Variants in EPHA6 observed in about 807,000 individuals in gnomAD.
EPHA6 encodes EPH receptor A6, also known as ephrin type-A receptor 6.
A neutral mutation model predicts 112.0 loss-of-function variants in EPHA6; 50 were observed. The ratio of observed to expected loss-of-function variants is 0.45; its 90% CI spans 0.36 to 0.56. EPHA6 has a LOEUF of 0.56. Ranked by LOEUF, EPHA6 falls within the 20% of genes least tolerant of loss-of-function variation. The pLI is 0.00. For synonymous variants in EPHA6, 529 were observed against 490.7 expected (o/e 1.08, Z -1.03); for missense variants, 1,280 against 1,417.4 (o/e 0.90, Z 1.56).
chr3:97,568,755 G>T (rs1236088354), intron 11 of EPHA6, among the ~76,000 whole-genome samples: 1 of 152,186 alleles, frequency 6.6e-6, no homozygotes, highest in Non-Finnish European at 1.5e-5. Flanking sequence ...TGGTGAGGCA[G>T]ATTTTATTCA....
chr3:97,324,441 C>CTTTA, intron 5 of EPHA6, among the ~76,000 whole-genome samples: 1 of 146,234 alleles, frequency 6.8e-6, no homozygotes, highest in Admixed American at 6.9e-5. Context: ...TTCTTTCTTT[C>CTTTA]TTTCTTTCTT....
At chr3:97,678,734 T>C (rs2031612624) in intron 14 of EPHA6, among the ~76,000 whole-genome samples, 1 of 152,230 alleles carries the variant, frequency 6.6e-6, no homozygotes, top group African/African-American at 2.4e-5. Context: ...ATTTTGATAT[T>C]GGCTATTTGA....
At chr3:97,012,442 G>A (rs1446788199) in intron 3 of EPHA6, among the ~76,000 whole-genome samples, 1 of 150,736 alleles carries the variant, frequency 6.6e-6, no homozygotes, top group Non-Finnish European at 1.5e-5. Context: ...TCCCATCTCA[G>A]CCTCCATGGT....
At chr3:97,160,862 G>A (rs1320695757) in intron 3 of EPHA6, among the ~76,000 whole-genome samples, 3 of 152,136 alleles carry the variant, frequency 2.0e-5, no homozygotes, top group Admixed American at 1.3e-4. Flanking sequence ...TTCTGTAGCT[G>A]TCTACTTTTG....
chr3:96,863,724 A>G (rs2036140999), intron 1 of EPHA6, among the ~76,000 whole-genome samples: 1 of 152,026 alleles, frequency 6.6e-6, no homozygotes, highest in Non-Finnish European at 1.5e-5. Flanking sequence ...AGCAGGCTTA[A>G]TATGTTTTAG....
At chr3:97,378,880 C>T (rs1247725323) in intron 5 of EPHA6, among the ~76,000 whole-genome samples, 2 of 152,026 alleles carry the variant, frequency 1.3e-5, no homozygotes, top group African/African-American at 2.4e-5. Flanking sequence ...CTTGCCTTGT[C>T]TCAGATAAGA....
intron 3 of EPHA6, among the ~76,000 whole-genome samples, chr3:97,216,514 T>A (rs2078038453): frequency 6.6e-6 from 1 of 152,218 alleles, no homozygotes; most frequent in South Asian, 2.1e-4. Context: ...CAATAACTCA[T>A]GTAGCAATGG....
At chr3:97,542,233 C>T (rs2092869420) in intron 11 of EPHA6, among the ~76,000 whole-genome samples, 1 of 151,908 alleles carries the variant, frequency 6.6e-6, no homozygotes, top group African/African-American at 2.4e-5. Context: ...CTAATGCTAT[C>T]CCTCCCCTCT....
chr3:97,331,951 C>CA (rs563716627), intron 5 of EPHA6, among the ~76,000 whole-genome samples: 2,385 of 151,942 alleles, frequency 0.016, 58 homozygotes, highest in African/African-American at 0.052. Flanking sequence ...AGAGACACAA[C>CA]AAAAAAAGAG....
intron 2 of EPHA6, among the ~76,000 whole-genome samples, chr3:96,915,669 G>A (rs1356114035): frequency 6.6e-6 from 1 of 152,032 alleles, no homozygotes; most frequent in African/African-American, 2.4e-5. Flanking sequence ...TCTAATACAT[G>A]CCTTTCCCTT....
chr3:97,408,167 C>A (rs181866837), intron 6 of EPHA6, among the ~76,000 whole-genome samples: 1 of 152,000 alleles, frequency 6.6e-6, no homozygotes, highest in Non-Finnish European at 1.5e-5. Context: ...TCATAAAGCA[C>A]CAATCCCACC....
At chr3:97,392,457 G>A (rs2086464122) in intron 5 of EPHA6, among the ~76,000 whole-genome samples, 3 of 151,330 alleles carry the variant, frequency 2.0e-5, no homozygotes, top group Middle Eastern at 3.4e-3. Context: ...TATATACATG[G>A]CATCACATAT....
At chr3:96,829,949 G>GCGCGCACACACA (rs373416797) in intron 1 of EPHA6, among the ~76,000 whole-genome samples, 37 of 136,072 alleles carry the variant, frequency 2.7e-4, no homozygotes, top group South Asian at 7.0e-4. Context: ...GCGCGCGCGC[G>GCGCGCACACACA]CACACACACA....
chr3:96,818,379 T>C (rs62262901), intron 1 of EPHA6, among the ~76,000 whole-genome samples: 6,911 of 152,002 alleles, frequency 0.045, 200 homozygotes, highest in Middle Eastern at 0.075. Flanking sequence ...ATAATTCAAT[T>C]AAGTCAAAGT....
intron 2 of EPHA6, among the ~76,000 whole-genome samples, chr3:96,947,304 A>G (rs1282701188): frequency 2.0e-5 from 3 of 152,082 alleles, no homozygotes; most frequent in Non-Finnish European, 4.4e-5. Flanking sequence ...TAGGGTTTTT[A>G]TGGTTTTAGG....
chr3:97,272,800 T>C (rs1167435952), intron 5 of EPHA6, among the ~76,000 whole-genome samples: 1 of 152,126 alleles, frequency 6.6e-6, no homozygotes, highest in African/African-American at 2.4e-5. Flanking sequence ...GAACCGGCCA[T>C]CTGGATGTGT....
At chr3:97,255,312 G>A (rs887120724) in intron 5 of EPHA6, among the ~76,000 whole-genome samples, 1 of 152,080 alleles carries the variant, frequency 6.6e-6, no homozygotes, top group Non-Finnish European at 1.5e-5. Context: ...CTTCAAAATC[G>A]TAGTGCTTTC....
intron 5 of EPHA6, among the ~76,000 whole-genome samples, chr3:97,328,116 G>T (rs1446630272): frequency 7.1e-6 from 1 of 140,164 alleles, no homozygotes; most frequent in East Asian, 2.1e-4. Context: ...AGAATGTCTT[G>T]GCTATTTCCA....
chr3:97,723,377 A>T (rs1170559344), intron 15 of EPHA6, among the ~76,000 whole-genome samples: 1 of 152,194 alleles, frequency 6.6e-6, no homozygotes, highest in African/African-American at 2.4e-5. Flanking sequence ...CATTCTGGCC[A>T]TGTATATTGG....
Sources: gnomAD v4.1 joint callset for allele counts (sites outside exome capture counted in the v4.1 genomes callset) on GRCh38, gnomAD v4.1.1 for gene constraint, MANE v1.5 for transcripts, NCBI Gene and HGNC (gene_info 2026-07-23, HGNC 2026-07-21) for gene names.